The following AGFG1 variants were observed in gnomAD, a reference collection of about 807,000 sequenced individuals.
AGFG1 encodes the protein ArfGAP with FG repeats 1, also known as arf-GAP domain and FG repeat-containing protein 1.
In AGFG1, 10 loss-of-function variants were observed where a neutral mutation model predicts 60.6. The ratio of observed to expected loss-of-function variants is 0.16; its 90% CI spans 0.10 to 0.28. AGFG1 has a LOEUF of 0.28. Among genes scored for constraint, AGFG1 ranks in the 10% least tolerant of loss-of-function variants. The pLI is 1.00. For synonymous variants in AGFG1, 247 were observed against 242.9 expected, an observed-to-expected ratio of 1.02 and a Z score of -0.16; for missense variants, 537 against 676.5, an observed-to-expected ratio of 0.79 and a Z score of 2.29.
intron 8 of AGFG1, among the ~76,000 whole-genome samples, chr2:227,535,592 T>C (rs1338526753): frequency 6.6e-6 from 1 of 152,226 alleles, no homozygotes; most frequent in East Asian, 1.9e-4. Context: ...AAAAAACTTT[T>C]CTAGTCTTTA....
At chr2:227,532,011 T>C in intron 6 of AGFG1, 1 of 663,092 alleles carries the variant, frequency 1.5e-6, no homozygotes. Context: ...AACCCTTATT[T>C]AGATTTTTGG....
intron 1 of AGFG1, among the ~76,000 whole-genome samples, chr2:227,481,099 CTTTTTTTTTTTTT>C (rs36152184): frequency 1.7e-4 from 13 of 75,750 alleles, no homozygotes; most frequent in East Asian, 9.0e-4. Flanking sequence ...GTGTTTTAGG[CTTTTTTTTTTTTT>C]TTTTTTTTTT....
chr2:227,476,019 G>A (rs1224009666), intron 1 of AGFG1, among the ~76,000 whole-genome samples: 2 of 152,016 alleles, frequency 1.3e-5, no homozygotes, highest in Non-Finnish European at 2.9e-5. Context: ...AATTGAACTA[G>A]CATCTTGTTG....
intron 1 of AGFG1, among the ~76,000 whole-genome samples, chr2:227,475,522 AAT>A (rs1453887263): frequency 6.6e-6 from 1 of 152,242 alleles, no homozygotes; most frequent in Non-Finnish European, 1.5e-5. Context: ...TTTGACAAGC[AAT>A]AGTGCAGGAA....
chr2:227,504,181 G>T (rs887537014), intron 2 of AGFG1, among the ~76,000 whole-genome samples: 1 of 150,622 alleles, frequency 6.6e-6, no homozygotes, highest in East Asian at 1.9e-4. Context: ...AGGGACACTT[G>T]GTGTAAATTT....
chr2:227,533,516 G>A lies in AGFG1; in HGVS notation c.815-33G>A, dbSNP rs762626674. On this transcript the variant is annotated intron_variant, in intron 6 of 12. Transcript: ENST00000310078. ...ATGAGAGGGTACTAGGAAAAGCTTA[G>A]AAATTTCAAGTGCTCTGTTTATTCT... 13 of 1,593,836 alleles carry A rather than the reference G, an allele frequency of 8.2e-6. 1 individual carries two copies. In the South Asian group the frequency reaches 1.4e-4, roughly 18 times the overall value.
At chr2:227,505,705 T>C (rs753709215) in intron 2 of AGFG1, among the ~76,000 whole-genome samples, 5 of 152,146 alleles carry the variant, frequency 3.3e-5, no homozygotes, top group Non-Finnish European at 5.9e-5. Context: ...GGATGTTTTC[T>C]TATATGATAT....
intron 10 of AGFG1, among the ~76,000 whole-genome samples, chr2:227,549,706 C>CGTATTTAGATGTATTAGAT (rs1692764765): frequency 6.6e-6 from 1 of 152,114 alleles, no homozygotes; most frequent in Non-Finnish European, 1.5e-5. Flanking sequence ...CTCATATGAT[C>CGTATTTAGATGTATTAGAT]CTATGAATAG....
intron 2 of AGFG1, among the ~76,000 whole-genome samples, chr2:227,515,445 C>G (rs1310952983): frequency 1.3e-5 from 2 of 152,188 alleles, no homozygotes; most frequent in Admixed American, 1.3e-4. Flanking sequence ...CTGGCTTACT[C>G]TAATACTGGA....
At chr2:227,535,091 A>C in intron 8 of AGFG1, 66 bp downstream of exon 8, 1 of 1,367,958 alleles carries the variant, frequency 7.3e-7, no homozygotes, top group Non-Finnish European at 9.6e-7. Flanking sequence ...TGAATAATCA[A>C]TTAAAAAATG....
intron 10 of AGFG1, among the ~76,000 whole-genome samples, chr2:227,546,681 G>A (rs1367238632): frequency 1.3e-5 from 2 of 152,210 alleles, no homozygotes; most frequent in Admixed American, 1.3e-4. Context: ...CTCATTAGGA[G>A]ATTAGCCTAT....
rs1490525043 is a variant in AGFG1, at chr2:227,555,321, T to G, written c.*826T>G. 6.6e-6 allele frequency: 1 copy of G among 152,616 alleles called. No homozygotes were observed. Among genetic ancestry groups the G allele is most frequent in the East Asian group, 1.9e-4 (1 of 5,206 alleles). 9.5% of individuals were successfully genotyped at this position (152,616 alleles called of 1,614,324 possible). A position where few individuals can be genotyped will look rare whatever the true frequency, so the allele number is the denominator to read the frequency against. On this transcript the variant is annotated 3_prime_UTR_variant, in exon 13 of 13. Transcript: ENST00000310078. ...TGGTAAAGCATTTAAATGTAGCTTG[T>G]CAGATTTACCATAATCCTACTAATT...
At chr2:227,546,005 T>C (rs1342566410) in intron 10 of AGFG1, among the ~76,000 whole-genome samples, 1 of 152,202 alleles carries the variant, frequency 6.6e-6, no homozygotes, top group East Asian at 1.9e-4. Flanking sequence ...GGGAGAACCA[T>C]TGCTCTCTAC....
Position 227,534,971 on chromosome 2 carries a change from T to C in AGFG1, c.1151T>C (p.Phe384Ser). ...YAALAELDSV[F>S]SSAATSSNAY... The stretch of plus-strand genomic sequence containing the variant: ...GCTCTGGCAGAACTAGACAGCGTTT[T>C]CAGTTCTGCAGCCACCTCCAGTAAT... The change falls in exon 8 of 13, where the codon TTC becomes TCC. Residue 384 changes from phenylalanine (F) to serine (S), a missense_variant. Physicochemically the swap from Phe to Ser is radical, Grantham distance 155. Around this residue, in one of 4 missense-constraint regions of AGFG1, gnomAD observed 287 missense variants for 343.6 expected, o/e 0.84. Transcript: ENST00000310078. 1.2e-6 allele frequency: 2 copies of C among 1,613,792 alleles called. No homozygotes were observed. The highest frequency in any genetic ancestry group is 1.7e-6 in the Non-Finnish European group (2 of 1,179,750).
At chr2:227,526,539 C>CTTTTT (rs777649930) in intron 5 of AGFG1, among the ~76,000 whole-genome samples, 2 of 92,482 alleles carry the variant, frequency 2.2e-5, no homozygotes, top group African/African-American at 4.4e-5. Context: ...TGCCCAGCCT[C>CTTTTT]TTTTTTTTTT....
intron 1 of AGFG1, among the ~76,000 whole-genome samples, chr2:227,477,825 G>T (rs373925763): frequency 6.6e-6 from 1 of 151,930 alleles, no homozygotes; most frequent in African/African-American, 2.4e-5. Context: ...GGCCAGGCTG[G>T]TCTTGAACTT....
intron 3 of AGFG1, among the ~76,000 whole-genome samples, chr2:227,523,261 G>C (rs1249041252): frequency 6.6e-6 from 1 of 152,144 alleles, no homozygotes; most frequent in Non-Finnish European, 1.5e-5. Context: ...CCTGTCTTCT[G>C]TGAATTGCTT....
chr2:227,489,130 A>T (rs1169276541), intron 1 of AGFG1, among the ~76,000 whole-genome samples: 1 of 151,340 alleles, frequency 6.6e-6, no homozygotes, highest in East Asian at 2.0e-4. Context: ...TGGAAATTTG[A>T]AACTAGTCTT....
intron 9 of AGFG1, 35 bp from the exon 10 acceptor site, chr2:227,536,866 T>C (rs1692330404): frequency 6.4e-7 from 1 of 1,574,320 alleles, no homozygotes; most frequent in East Asian, 2.3e-5. Flanking sequence ...CAAAATGTAT[T>C]AGGATTTTAT....
Sources: gnomAD v4.1 joint callset for allele counts (sites outside exome capture counted in the v4.1 genomes callset) on GRCh38, gnomAD v4.1.1 for gene constraint, gnomAD v4.1.1 regional missense constraint, MANE v1.5 for transcripts, NCBI Gene and HGNC (gene_info 2026-07-23, HGNC 2026-07-21) for gene names.